The following EDIL3 variants were observed in gnomAD, a reference collection of about 807,000 sequenced individuals.
The protein encoded by EDIL3 is EGF like and discoidin domains 3, also known as EGF-like repeat and discoidin I-like domain-containing protein 3.
EDIL3 carries 37 observed loss-of-function variants against 67.4 expected under a neutral mutation model. The ratio of observed to expected loss-of-function variants is 0.55; its 90% confidence interval spans 0.42 to 0.72. The LOEUF is 0.72. Among genes scored for constraint, EDIL3 ranks in the 30% least tolerant of loss-of-function variants. EDIL3 has a pLI of 0.00. For missense variants in EDIL3, 527 were observed against 586.3 expected, an observed-to-expected ratio of 0.90 and a Z score of 1.04; for synonymous variants, 195 against 196.3, an observed-to-expected ratio of 0.99 and a Z score of 0.05.
intron 9 of EDIL3, among the ~76,000 whole-genome samples, chr5:84,026,449 A>T (rs181287773): frequency 9.3e-4 from 142 of 152,228 alleles, no homozygotes; most frequent in East Asian, 3.3e-3. Flanking sequence ...TCAATTTTAC[A>T]ACAGAGATTC....
rs62364163 is a variant in EDIL3, at chr5:83,943,330, C to A, written c.*89G>T. 7 of 1,449,742 alleles carry A rather than the reference C, an allele frequency of 4.8e-6. No homozygotes were observed. The highest frequency in any genetic ancestry group is 2.5e-5 in the East Asian group (1 of 40,670). The allele number at this position is 1,449,742 out of a possible 1,614,324, so 89.8% of individuals were successfully genotyped here. Reference sequence around the variant, plus strand: ...TTTTTCATGAAAAAAAAAAAAAAACCATTCAGTTTCCTACAGATTTTGCAC... The same window carrying A: ...TTTTTCATGAAAAAAAAAAAAAAACAATTCAGTTTCCTACAGATTTTGCAC... On this transcript the variant is annotated 3_prime_UTR_variant, in exon 11 of 11. Transcript: ENST00000296591.
At chr5:84,136,377 T>G (rs141145032) in intron 5 of EDIL3, among the ~76,000 whole-genome samples, 38 of 152,316 alleles carry the variant, frequency 2.5e-4, no homozygotes, top group Non-Finnish European at 4.9e-4. Context: ...TGTCCAACAA[T>G]TATAAGGCTA....
In EDIL3 at chr5:84,138,665, A is replaced by AT. The variant is rs1023596833; in HGVS notation, c.356-1312dup. On this transcript the variant is annotated intron_variant, in intron 4 of 10. Transcript: ENST00000296591. ...TCTCAATTTTGCCCTTTCTTTTGACATTTTTTTTTTCTAATTAGTATCCCC... is the reference window on the plus strand; with the variant it reads ...TCTCAATTTTGCCCTTTCTTTTGACATTTTTTTTTTTCTAATTAGTATCCCC... Among the ~76,000 whole-genome samples the AT allele has an allele frequency of 5.4e-3, 808 of 150,162 alleles. 10 individuals are homozygous for AT. The highest frequency in any genetic ancestry group is 0.018 in the African/African-American group (727 of 40,996).
chr5:84,127,133 A>G (rs140013796), intron 5 of EDIL3, among the ~76,000 whole-genome samples: 12 of 152,164 alleles, frequency 7.9e-5, no homozygotes, highest in African/African-American at 2.9e-4. Flanking sequence ...TCGTAGTTAG[A>G]TAATAGTGCT....
chr5:84,354,483 CCT>C (rs1747433822), intron 1 of EDIL3, among the ~76,000 whole-genome samples: 1 of 151,780 alleles, frequency 6.6e-6, no homozygotes, highest in African/African-American at 2.4e-5. Flanking sequence ...GTGGCAAAAC[CCT>C]GTCTCTACTA....
intron 1 of EDIL3, among the ~76,000 whole-genome samples, chr5:84,366,149 G>T (rs1747729377): frequency 6.6e-6 from 1 of 151,770 alleles, no homozygotes; most frequent in Non-Finnish European, 1.5e-5. Flanking sequence ...ATAAAATAAA[G>T]AAAAACAACA....
intron 3 of EDIL3, among the ~76,000 whole-genome samples, chr5:84,217,755 CACACACACAT>C (rs1178582386): frequency 1.2e-4 from 18 of 151,118 alleles, no homozygotes; most frequent in African/African-American, 3.2e-4. Context: ...CACACACACA[CACACACACAT>C]CCTTCTGGTT....
chr5:84,349,387 A>T (rs2112186987), intron 1 of EDIL3, among the ~76,000 whole-genome samples: 1 of 152,284 alleles, frequency 6.6e-6, no homozygotes, highest in Middle Eastern at 3.4e-3. Context: ...GCAAGTATTA[A>T]TAGATCAACC....
At chr5:84,254,320 G>A in intron 1 of EDIL3, 108 bp from the exon 2 acceptor site, 4 of 1,255,616 alleles carry the variant, frequency 3.2e-6, no homozygotes, top group Non-Finnish European at 4.3e-6. Context: ...CAAAAGTCAG[G>A]GTAATATTAA....
chr5:84,051,680 G>A lies in EDIL3; in HGVS notation c.1137+8620C>T, dbSNP rs532634344. On this transcript the variant is annotated intron_variant, in intron 9 of 10. Coordinates refer to ENST00000296591, the MANE Select transcript of EDIL3 (RefSeq NM_005711.5). ...GACAAATGCACAAGCTTCACTAGCC[G>A]ATTTGATCAACTGGAAGAAAGGGTA... Among the ~76,000 whole-genome samples, 18 of 152,306 alleles carry A rather than the reference G, an allele frequency of 1.2e-4. No homozygotes were observed. The South Asian group carries it at 2.5e-3, about 21-fold the overall frequency.
chr5:84,258,088 G>C (rs1040962326), intron 1 of EDIL3, among the ~76,000 whole-genome samples: 1 of 152,086 alleles, frequency 6.6e-6, no homozygotes, highest in African/African-American at 2.4e-5. Flanking sequence ...CAAAGTAGAG[G>C]ATAAACAACA....
At chr5:84,015,514 A>G (rs1027303350) in intron 9 of EDIL3, among the ~76,000 whole-genome samples, 3 of 152,228 alleles carry the variant, frequency 2.0e-5, no homozygotes, top group African/African-American at 7.2e-5. Flanking sequence ...TTCCTAAAAC[A>G]GAAATTAAAA....
intron 9 of EDIL3, among the ~76,000 whole-genome samples, chr5:84,004,101 T>C (rs1235435538): frequency 6.6e-6 from 1 of 151,508 alleles, no homozygotes; most frequent in Admixed American, 6.6e-5. Flanking sequence ...TAATGATAAA[T>C]GGTTCAATTC....
At chr5:84,257,903 T>C (rs543021040) in intron 1 of EDIL3, among the ~76,000 whole-genome samples, 1 of 152,052 alleles carries the variant, frequency 6.6e-6, no homozygotes, top group African/African-American at 2.4e-5. Flanking sequence ...GGAAAAGATA[T>C]AAGATTCTTC....
chr5:83,964,702 T>C lies in EDIL3; in HGVS notation c.1138-1342A>G, dbSNP rs535281865. Reference sequence around the variant, plus strand: ...GAATTCACATGAGCTTTTTGTTAACTTTTTGGAGCATGTGTTAAAGCCTTT... The same window carrying C: ...GAATTCACATGAGCTTTTTGTTAACCTTTTGGAGCATGTGTTAAAGCCTTT... On this transcript the variant is annotated intron_variant, in intron 9 of 10. Coordinates refer to ENST00000296591, the MANE Select transcript of EDIL3 (RefSeq NM_005711.5). Among the ~76,000 whole-genome samples the C allele has an allele frequency of 6.6e-5, 10 of 152,204 alleles. 1 individual carries two copies. Among genetic ancestry groups the C allele is most frequent in the Admixed American group, 2.0e-4 (3 of 15,256 alleles).
At chr5:84,110,064 G>A (rs1476640701) in intron 5 of EDIL3, among the ~76,000 whole-genome samples, 1 of 152,134 alleles carries the variant, frequency 6.6e-6, no homozygotes, top group South Asian at 2.1e-4. Flanking sequence ...CTTTCGAGTA[G>A]GAGCTAGGTA....
intron 9 of EDIL3, among the ~76,000 whole-genome samples, chr5:83,970,124 C>A (rs1020087098): frequency 6.6e-6 from 1 of 151,652 alleles, no homozygotes; most frequent in Non-Finnish European, 1.5e-5. Context: ...AGCTTCTACA[C>A]AAGTGAGAAC....
At position 84,064,822 on chromosome 5, in the gene EDIL3, T is replaced by C. The variant is rs1210740038; in HGVS notation, c.830A>G (p.Asn277Ser). The C allele has an allele frequency of 6.8e-6, 11 of 1,611,324 alleles. No homozygotes were observed. Among genetic ancestry groups the C allele is most frequent in the Non-Finnish European group, 9.3e-6 (11 of 1,178,956 alleles). The change falls in exon 8 of 11, where the codon AAC becomes AGC. Residue 277 changes from asparagine (N) to serine (S), a missense_variant. Physicochemically the swap from Asn to Ser is conservative, Grantham distance 46. This residue lies in a region of EDIL3 where 494 missense variants were observed against 522.5 expected (regional missense o/e 0.95). Coordinates refer to ENST00000296591, the MANE Select transcript of EDIL3 (RefSeq NM_005711.5). ...GAAAGAGTTAGCATATGGAGTGTTG[T>C]TATCAATGTTTCCACGAAACACCTG... ...EDMVFRGNIDNNTPYANSFTP... is the reference protein window; with the variant it reads ...EDMVFRGNIDSNTPYANSFTP...
intron 6 of EDIL3, among the ~76,000 whole-genome samples, chr5:84,075,796 A>C (rs1418946382): frequency 6.6e-6 from 1 of 151,830 alleles, no homozygotes; most frequent in Non-Finnish European, 1.5e-5. Flanking sequence ...ATTACTAAGT[A>C]CACTAGTTCT....
Sources: allele counts gnomAD v4.1 joint callset (sites outside exome capture counted in the v4.1 genomes callset), GRCh38; gene constraint gnomAD v4.1.1; regional missense constraint gnomAD v4.1.1; transcripts MANE v1.5; gene names NCBI Gene and HGNC (gene_info 2026-07-23, HGNC 2026-07-21).